Variants in PTPRD observed in about 807,000 individuals in gnomAD.
PTPRD encodes the protein receptor-type tyrosine-protein phosphatase delta.
PTPRD carries 34 observed loss-of-function variants against 214.5 expected under a neutral mutation model. That is an observed-to-expected ratio of 0.16 (90% CI 0.12 to 0.21). The LOEUF is 0.21. Ranked by LOEUF, PTPRD falls within the 10% of genes least tolerant of loss-of-function variation. PTPRD has a pLI of 1.00. For missense variants in PTPRD, 2,545 were observed against 2,398.7 expected, an observed-to-expected ratio of 1.06 and a Z score of -1.27; for synonymous variants, 1,128 against 845.7, an observed-to-expected ratio of 1.33 and a Z score of -5.79.
intron 5 of PTPRD, among the ~76,000 whole-genome samples, chr9:9,826,416 A>C (rs2052857991): frequency 6.6e-6 from 1 of 151,938 alleles, no homozygotes; most frequent in Non-Finnish European, 1.5e-5. Flanking sequence ...TACAATTTTG[A>C]AGTATTTTGA....
chr9:10,410,562 A>T (rs567953116), intron 2 of PTPRD, among the ~76,000 whole-genome samples: 5 of 151,686 alleles, frequency 3.3e-5, no homozygotes, highest in African/African-American at 1.2e-4. Context: ...CATAATAAAA[A>T]TTATAAGACC....
intron 4 of PTPRD, among the ~76,000 whole-genome samples, chr9:10,012,251 A>T (rs1042762940): frequency 6.6e-6 from 1 of 151,944 alleles, no homozygotes; most frequent in Non-Finnish European, 1.5e-5. Context: ...ACCAAATTGA[A>T]ATGAGGTTTT....
chr9:10,302,966 C>T (rs2095913162), intron 3 of PTPRD, among the ~76,000 whole-genome samples: 1 of 152,190 alleles, frequency 6.6e-6, no homozygotes, highest in South Asian at 2.1e-4. Flanking sequence ...ACATTCTTCT[C>T]AGCACCACAT....
intron 39 of PTPRD, among the ~76,000 whole-genome samples, chr9:8,373,959 T>C (rs2082434904): frequency 6.6e-6 from 1 of 151,446 alleles, no homozygotes; most frequent in African/African-American, 2.4e-5. Flanking sequence ...CACTTTAATT[T>C]ACGGAAATGG....
intron 12 of PTPRD, among the ~76,000 whole-genome samples, chr9:8,695,995 T>C (rs534455724): frequency 6.6e-6 from 1 of 152,228 alleles, no homozygotes; most frequent in Non-Finnish European, 1.5e-5. Context: ...CCTTACCCTA[T>C]ATAGGATTTC....
intron 11 of PTPRD, among the ~76,000 whole-genome samples, chr9:8,920,701 G>A (rs1235186323): frequency 6.6e-6 from 1 of 152,218 alleles, no homozygotes; most frequent in Non-Finnish European, 1.5e-5. Flanking sequence ...CCGTGGGTTG[G>A]ACAAGCTTGT....
At chr9:9,522,565 A>G (rs546294769) in intron 8 of PTPRD, among the ~76,000 whole-genome samples, 77 of 152,300 alleles carry the variant, frequency 5.1e-4, no homozygotes, top group Non-Finnish European at 3.2e-4. Flanking sequence ...TAGAAAAACA[A>G]AAGAATCTGG....
chr9:8,581,889 G>C (rs2093163302), intron 14 of PTPRD, among the ~76,000 whole-genome samples: 1 of 97,682 alleles, frequency 1.0e-5, no homozygotes, highest in Admixed American at 1.6e-4. Context: ...CTCCAGCCTG[G>C]ATGACAGAGC....
chr9:10,042,602 T>C (rs762808553), intron 3 of PTPRD, among the ~76,000 whole-genome samples: 3 of 151,900 alleles, frequency 2.0e-5, no homozygotes, highest in Non-Finnish European at 4.4e-5. Flanking sequence ...AACACATTAG[T>C]GTTGGTGAAG....
chr9:9,993,161 T>G (rs529956225), intron 4 of PTPRD, among the ~76,000 whole-genome samples: 3 of 152,060 alleles, frequency 2.0e-5, no homozygotes, highest in Non-Finnish European at 4.4e-5. Context: ...AGATGTGGAG[T>G]AACTGGAATT....
At chr9:9,515,500 A>C (rs2096814861) in intron 8 of PTPRD, among the ~76,000 whole-genome samples, 1 of 152,118 alleles carries the variant, frequency 6.6e-6, no homozygotes, top group African/African-American at 2.4e-5. Flanking sequence ...TGTATACAGA[A>C]AGTTTTTCTA....
intron 39 of PTPRD, among the ~76,000 whole-genome samples, chr9:8,356,828 C>A (rs907809494): frequency 6.6e-6 from 1 of 152,042 alleles, no homozygotes; most frequent in African/African-American, 2.4e-5. Flanking sequence ...TAAAATGATT[C>A]ATTGAGAGCT....
chr9:9,358,942 G>A (rs2054918247), intron 9 of PTPRD, among the ~76,000 whole-genome samples: 1 of 151,282 alleles, frequency 6.6e-6, no homozygotes, highest in African/African-American at 2.4e-5. Context: ...CAAGCTGTTT[G>A]GGCAGGGCTT....
At chr9:9,287,027 C>A (rs371506765) in intron 9 of PTPRD, among the ~76,000 whole-genome samples, 5 of 148,482 alleles carry the variant, frequency 3.4e-5, no homozygotes, top group Non-Finnish European at 7.5e-5. Context: ...GAGTTCAAGA[C>A]AAGCCTGGCC....
chr9:8,443,721 CTTTAATAT>C (rs898111088), intron 34 of PTPRD, among the ~76,000 whole-genome samples: 121 of 152,230 alleles, frequency 7.9e-4, no homozygotes, highest in African/African-American at 2.9e-3. Context: ...ACAGCAGACA[CTTTAATAT>C]TGAATATGCA....
intron 10 of PTPRD, among the ~76,000 whole-genome samples, chr9:9,071,990 C>A (rs954151007): frequency 2.0e-5 from 3 of 152,124 alleles, no homozygotes; most frequent in Non-Finnish European, 2.9e-5. Context: ...ACCCCTTCCT[C>A]ATCACTGCAC....
At chr9:9,552,501 T>G (rs2080539676) in intron 8 of PTPRD, among the ~76,000 whole-genome samples, 2 of 152,118 alleles carry the variant, frequency 1.3e-5, no homozygotes, top group Admixed American at 1.3e-4. Context: ...TATAACTTAC[T>G]TCAGCTTATG....
chr9:9,666,467 T>C lies in PTPRD; in HGVS notation c.-287+68066A>G, dbSNP rs549705529. On this transcript the variant is annotated intron_variant, in intron 7 of 45. Transcript: ENST00000381196. ...CTCACCTCTCTCTGGTGGGAGTTTG[T>C]GTGGCTTTTACTTTCTCCTTTGTGT... 5.3e-5 allele frequency among the ~76,000 whole-genome samples: 8 copies of C among 152,144 alleles called. No individual in the cohort carries two copies. The East Asian group carries it at 1.4e-3, about 26-fold the overall frequency.
intron 8 of PTPRD, among the ~76,000 whole-genome samples, chr9:9,424,029 G>A (rs1032880171): frequency 2.0e-5 from 3 of 152,134 alleles, no homozygotes; most frequent in African/African-American, 7.2e-5. Flanking sequence ...TCCTACTCTA[G>A]GAATTTTCCT....
Sources: allele counts gnomAD v4.1 joint callset (sites outside exome capture counted in the v4.1 genomes callset), GRCh38; gene constraint gnomAD v4.1.1; transcripts MANE v1.5; gene names NCBI Gene and HGNC (gene_info 2026-07-23, HGNC 2026-07-21).